ME3: variants seen among roughly 807,000 people sequenced by gnomAD.
The protein encoded by ME3 is malic enzyme 3, also known as NADP-dependent malic enzyme, mitochondrial.
A neutral mutation model predicts 68.9 loss-of-function variants in ME3; 48 were observed. That is an observed-to-expected ratio of 0.70 (90% CI 0.55 to 0.89). ME3 has a LOEUF of 0.89. Among genes scored for constraint, ME3 ranks in the 40% least tolerant of loss-of-function variants. The pLI is 0.00. For missense variants in ME3, 675 were observed against 797.4 expected, an observed-to-expected ratio of 0.85 and a Z score of 1.85; for synonymous variants, 320 against 318.8, an observed-to-expected ratio of 1.00 and a Z score of -0.04.
chr11:86,557,482 A>G (rs974759736), intron 3 of ME3, among the ~76,000 whole-genome samples: 7 of 152,104 alleles, frequency 4.6e-5, no homozygotes, highest in Non-Finnish European at 8.8e-5. Context: ...GATGGGAGAA[A>G]TTTTCTAACA....
At chr11:86,442,497 TGCAA>T (rs894091561) in intron 14 of ME3, among the ~76,000 whole-genome samples, 16 of 152,326 alleles carry the variant, frequency 1.1e-4, no homozygotes, top group Non-Finnish European at 1.6e-4. Context: ...CGTGATGCTA[TGCAA>T]GCTGACCTTT....
chr11:86,606,389 G>C (rs558522356), intron 2 of ME3, among the ~76,000 whole-genome samples: 14 of 152,260 alleles, frequency 9.2e-5, no homozygotes, highest in African/African-American at 3.4e-4. Context: ...GTTGTGGACA[G>C]CAGAGAGATG....
chr11:86,624,591 G>A (rs772543030), intron 2 of ME3, among the ~76,000 whole-genome samples: 4 of 152,190 alleles, frequency 2.6e-5, no homozygotes, highest in Non-Finnish European at 4.4e-5. Flanking sequence ...AGAAAATTGC[G>A]TAAGATTGAT....
intron 2 of ME3, 30 bp from the exon 3 acceptor site, chr11:86,559,853 C>T: frequency 6.2e-7 from 1 of 1,609,634 alleles, no homozygotes; most frequent in Non-Finnish European, 8.5e-7. Context: ...AACACCCACA[C>T]ATAAGTGCAT....
intron 2 of ME3, among the ~76,000 whole-genome samples, chr11:86,576,589 T>A (rs570307391): frequency 6.6e-6 from 1 of 152,334 alleles, no homozygotes; most frequent in Non-Finnish European, 1.5e-5. Context: ...ACTGACTGAC[T>A]TGTTGGTCCC....
At chr11:86,589,883 T>G (rs1958961049) in intron 2 of ME3, among the ~76,000 whole-genome samples, 1 of 152,232 alleles carries the variant, frequency 6.6e-6, no homozygotes, top group Admixed American at 6.5e-5. Flanking sequence ...TGCTGCTACT[T>G]GGCACCTGCA....
At chr11:86,496,982 CTATT>C (rs536567209) in intron 6 of ME3, among the ~76,000 whole-genome samples, 5 of 151,700 alleles carry the variant, frequency 3.3e-5, no homozygotes, top group South Asian at 2.1e-4. Context: ...TGAATTTTCT[CTATT>C]TATTTATTTA....
chr11:86,572,780 T>C (rs190639855), intron 2 of ME3, among the ~76,000 whole-genome samples: 3 of 152,350 alleles, frequency 2.0e-5, no homozygotes, highest in African/African-American at 7.2e-5. Flanking sequence ...TTTATATTAC[T>C]TTGGGTATAT....
At chr11:86,448,224 A>G (rs1369938267) in exon 11 of ME3, 3 of 1,613,994 alleles carry the variant, frequency 1.9e-6, no homozygotes, top group African/African-American at 2.7e-5. Flanking sequence ...TTGGGCAAAC[A>G]TCTCCTTTTC....
At chr11:86,524,983 A>G (rs1187737623) in intron 4 of ME3, among the ~76,000 whole-genome samples, 5 of 152,240 alleles carry the variant, frequency 3.3e-5, no homozygotes, top group African/African-American at 1.2e-4. Flanking sequence ...TAAAGGCCAA[A>G]AAAGTATTTG....
intron 2 of ME3, among the ~76,000 whole-genome samples, chr11:86,650,649 C>T (rs1945342138): frequency 1.3e-5 from 2 of 152,202 alleles, no homozygotes; most frequent in African/African-American, 4.8e-5. Context: ...CAGCTCCAGT[C>T]TACAGCTCCC....
chr11:86,573,309 T>A (rs1565157651), intron 2 of ME3, among the ~76,000 whole-genome samples: 1 of 152,208 alleles, frequency 6.6e-6, no homozygotes. Flanking sequence ...CAATTTTGAC[T>A]TTGGTTGCAA....
intron 2 of ME3, among the ~76,000 whole-genome samples, chr11:86,603,945 T>G (rs1961184460): frequency 1.6e-5 from 1 of 63,190 alleles, no homozygotes; most frequent in Non-Finnish European, 2.8e-5. Flanking sequence ...GGGACTGTTG[T>G]GGGGTGGGGG....
At chr11:86,502,314 T>G (rs1297674906) in intron 5 of ME3, among the ~76,000 whole-genome samples, 4 of 152,210 alleles carry the variant, frequency 2.6e-5, no homozygotes, top group African/African-American at 9.6e-5. Context: ...CCTCACCTAC[T>G]AAACCTATCA....
intron 2 of ME3, among the ~76,000 whole-genome samples, chr11:86,663,501 A>G (rs1301100881): frequency 6.6e-6 from 1 of 152,194 alleles, no homozygotes; most frequent in Non-Finnish European, 1.5e-5. Flanking sequence ...TGCATCAGAG[A>G]GGCAGTCGGA....
intron 2 of ME3, among the ~76,000 whole-genome samples, chr11:86,576,793 C>A (rs1958142720): frequency 6.6e-6 from 1 of 152,194 alleles, no homozygotes; most frequent in South Asian, 2.1e-4. Flanking sequence ...AGAGTCCCAG[C>A]CTGGCAGTTG....
At chr11:86,446,868 G>C in intron 12 of ME3, 197 bp downstream of exon 12, 1 of 701,056 alleles carries the variant, frequency 1.4e-6, no homozygotes, top group Non-Finnish European at 2.3e-6. Flanking sequence ...GTAAGAACTT[G>C]GGCTTTGGAG....
At chr11:86,621,304 GTT>G (rs1187513006) in intron 2 of ME3, among the ~76,000 whole-genome samples, 1 of 152,192 alleles carries the variant, frequency 6.6e-6, no homozygotes, top group Non-Finnish European at 1.5e-5. Flanking sequence ...AGAAAACATT[GTT>G]TTTATTGGCA....
intron 2 of ME3, among the ~76,000 whole-genome samples, chr11:86,571,080 T>A (rs760676011): frequency 6.6e-6 from 1 of 152,242 alleles, no homozygotes; most frequent in Non-Finnish European, 1.5e-5. Flanking sequence ...TAAATCTTTT[T>A]AGGTTAAGGG....
Sources: gnomAD v4.1 joint callset for allele counts (sites outside exome capture counted in the v4.1 genomes callset) on GRCh38, gnomAD v4.1.1 for gene constraint, MANE v1.5 for transcripts, NCBI Gene and HGNC (gene_info 2026-07-23, HGNC 2026-07-21) for gene names.